The following SNX3 variants were observed in gnomAD, a reference collection of about 807,000 sequenced individuals.
The protein encoded by SNX3 is sorting nexin 3, also known as sorting nexin-3.
In SNX3, 5 loss-of-function variants were observed where a neutral mutation model predicts 17.7. The observed-to-expected ratio is 0.28, with a 90% CI of 0.15 to 0.59. SNX3 has a LOEUF of 0.59. Ranked by LOEUF, SNX3 falls within the 20% of genes least tolerant of loss-of-function variation. The pLI, the probability that SNX3 is intolerant of heterozygous loss-of-function variation, is 0.88. For missense variants in SNX3, 132 were observed against 206.8 expected (o/e 0.64, Z 2.22); for synonymous variants, 91 against 76.5 (o/e 1.19, Z -0.99).
chr6:108,239,626 C>T (rs1368495311), intron 1 of SNX3, among the ~76,000 whole-genome samples: 1 of 152,102 alleles, frequency 6.6e-6, no homozygotes, highest in African/African-American at 2.4e-5. Context: ...TATTTTATGG[C>T]CGAAGACATT....
At chr6:108,242,912 G>C (rs1443594950) in intron 1 of SNX3, among the ~76,000 whole-genome samples, 1 of 152,116 alleles carries the variant, frequency 6.6e-6, no homozygotes. Flanking sequence ...TGTAAGCCTG[G>C]AAGAGAACTC....
chr6:108,220,996 G>A (rs1774753208), intron 2 of SNX3, among the ~76,000 whole-genome samples: 1 of 151,720 alleles, frequency 6.6e-6, no homozygotes, highest in African/African-American at 2.4e-5. Flanking sequence ...TTTGATGTCT[G>A]GTAGAACAAA....
chr6:108,212,633 C>A (rs1486882623), intron 3 of SNX3, among the ~76,000 whole-genome samples: 1 of 152,018 alleles, frequency 6.6e-6, no homozygotes, highest in Non-Finnish European at 1.5e-5. Flanking sequence ...CCACTGCGCC[C>A]GGCTCAGAAT....
intron 1 of SNX3, among the ~76,000 whole-genome samples, chr6:108,230,808 T>G (rs1394336767): frequency 6.6e-6 from 1 of 152,174 alleles, no homozygotes; most frequent in African/African-American, 2.4e-5. Context: ...AGCAGAGAAC[T>G]GTAATTACCT....
intron 1 of SNX3, among the ~76,000 whole-genome samples, chr6:108,254,833 C>A (rs1775983822): frequency 6.6e-6 from 1 of 152,136 alleles, no homozygotes; most frequent in South Asian, 2.1e-4. Context: ...CCAGATGAGG[C>A]TCTTAAAGGA....
At chr6:108,222,473 G>A (rs557466489) in intron 2 of SNX3, among the ~76,000 whole-genome samples, 4 of 152,304 alleles carry the variant, frequency 2.6e-5, no homozygotes, top group South Asian at 2.1e-4. Context: ...ATTTAAAAAC[G>A]CTAATCTGAA....
Position 108,260,969 on chromosome 6 carries a change from C to T in SNX3, c.-48G>A. 1 of 1,449,288 alleles carries T rather than the reference C, an allele frequency of 6.9e-7. No homozygotes were observed. The highest frequency in any genetic ancestry group is 1.4e-5 in the South Asian group (1 of 70,144). 89.8% of individuals were successfully genotyped at this position (1,449,288 alleles called of 1,614,324 possible). On this transcript the variant is annotated 5_prime_UTR_variant, in exon 1 of 4. Coordinates refer to ENST00000230085, the MANE Select transcript of SNX3 (RefSeq NM_003795.6). ...CCGCGGGCTCCCTCCGCCCCCTCCG[C>T]GTTCAGCCGCCGCCGCCGCCGCTGC...
At chr6:108,216,000 A>G (rs1774562330) in intron 2 of SNX3, among the ~76,000 whole-genome samples, 1 of 152,140 alleles carries the variant, frequency 6.6e-6, no homozygotes, top group South Asian at 2.1e-4. Context: ...GCACCTAGCT[A>G]TTTCACAGGT....
chr6:108,217,544 C>T (rs899200125), intron 2 of SNX3, among the ~76,000 whole-genome samples: 3 of 152,030 alleles, frequency 2.0e-5, no homozygotes, highest in Non-Finnish European at 2.9e-5. Flanking sequence ...CACCTGAGGT[C>T]AGAAGTTCAA....
At position 108,227,932 on chromosome 6, in the gene SNX3, T is replaced by A. The variant is rs1180680079; in HGVS notation, c.163-4887A>T. Among the ~76,000 whole-genome samples, 6 of 150,934 alleles carry A rather than the reference T, an allele frequency of 4.0e-5. No individual in the cohort carries two copies. The Admixed American group carries it at 4.0e-4, about 10-fold the overall frequency. On this transcript the variant is annotated intron_variant, in intron 1 of 3. Coordinates refer to ENST00000230085, the MANE Select transcript of SNX3 (RefSeq NM_003795.6). ...ATAAAATGATTGAAGGGCGGAGAGGTTTTTTACCTACAGCTTCAGGAGGAC... is the reference window on the plus strand; with the variant it reads ...ATAAAATGATTGAAGGGCGGAGAGGATTTTTACCTACAGCTTCAGGAGGAC...
At chr6:108,228,017 T>C (rs928216528) in intron 1 of SNX3, among the ~76,000 whole-genome samples, 2 of 152,150 alleles carry the variant, frequency 1.3e-5, no homozygotes, top group African/African-American at 4.8e-5. Context: ...GGAGAATCAT[T>C]ATTTATAATG....
intron 1 of SNX3, among the ~76,000 whole-genome samples, chr6:108,233,738 A>G (rs764639428): frequency 3.9e-5 from 6 of 152,198 alleles, no homozygotes; most frequent in African/African-American, 7.2e-5. Context: ...GAAAGAGCGA[A>G]TAACTGCTGC....
Position 108,243,365 on chromosome 6 carries a change from A to T in SNX3, c.162+17395T>A, listed in dbSNP as rs551900692. On this transcript the variant is annotated intron_variant, in intron 1 of 3. Transcript: ENST00000230085. ...GACTATCCTTCAAAAATAAAAATAT[A>T]AGACAGTCCCAGACAAAAAAACAAA... is the stretch of plus-strand genomic sequence containing the variant. Among the ~76,000 whole-genome samples, 116 of 152,344 alleles carry T rather than the reference A, an allele frequency of 7.6e-4. 1 individual carries two copies. The highest frequency in any genetic ancestry group is 6.8e-3 in the Middle Eastern group (2 of 294).
rs758212848 is a variant in SNX3 at position 108,260,855 on chromosome 6, C to G, written c.67G>C (p.Gly23Arg). The change falls in exon 1 of 4, where the codon GGA becomes CGA. Residue 23 changes from glycine (G) to arginine (R), a missense_variant. By Grantham distance (125) the Gly-to-Arg change is moderately radical (BLOSUM62 -2). This residue lies in a region of SNX3 where 78 missense variants were observed against 88.8 expected (regional missense o/e 0.88). Coordinates refer to ENST00000230085, the MANE Select transcript of SNX3 (RefSeq NM_003795.6). ...ATCTCGAGGAAGTTGCTGGGGGGTC[C>G]GTAGGCGTCATTCAGGTTCTGCGGC... ...TKPQNLNDAY[G>R]PPSNFLEIDV... 1 of 1,613,084 alleles carries G rather than the reference C, an allele frequency of 6.2e-7. No individual in the cohort carries two copies. Among genetic ancestry groups the G allele is most frequent in the Non-Finnish European group, 8.5e-7 (1 of 1,179,476 alleles).
In SNX3 at chr6:108,211,994, G is replaced by C. The variant is rs1175127242; in HGVS notation, c.*155C>G. 3.7e-6 allele frequency: 2 copies of C among 542,044 alleles called. No homozygotes were observed. The highest frequency in any genetic ancestry group is 3.8e-5 in the Admixed American group (1 of 26,664). 33.6% of individuals were successfully genotyped at this position (542,044 alleles called of 1,614,324 possible). A position where few individuals can be genotyped will look rare whatever the true frequency, so the allele number is the denominator to read the frequency against. On this transcript the variant is annotated 3_prime_UTR_variant, in exon 4 of 4. Coordinates refer to ENST00000230085, the MANE Select transcript of SNX3 (RefSeq NM_003795.6). ...TTTTACTAAAGCAAATTAACTTCTT[G>C]TCAACTGCCAAAACAAAACAAAACT...
At chr6:108,237,369 T>C (rs530254215) in intron 1 of SNX3, among the ~76,000 whole-genome samples, 25 of 152,350 alleles carry the variant, frequency 1.6e-4, no homozygotes, top group Middle Eastern at 3.4e-3. Flanking sequence ...CCTCAAATCT[T>C]ACTTGGAAGC....
Position 108,223,016 on chromosome 6 carries a change from T to G in SNX3, c.192A>C (p.Glu64Asp). The change falls in exon 2 of 4, where the codon GAA (glutamate) becomes GAC (aspartate). Residue 64 changes from glutamate (E) to aspartate (D), a missense_variant. Physicochemically the swap from Glu to Asp is conservative, Grantham distance 45. Transcript: ENST00000230085. Reference sequence around the variant, plus strand: ...CACTGTATCTTCTTCTAACAGTAGATTCTTTCAGCTTGAAAATAGGAAGAT... The same window carrying G: ...CACTGTATCTTCTTCTAACAGTAGAGTCTTTCAGCTTGAAAATAGGAAGAT... ...KTNLPIFKLK[E>D]STVRRRYSDF... The G allele has an allele frequency of 6.2e-7, 1 of 1,606,732 alleles. No homozygotes were observed. Among genetic ancestry groups the G allele is most frequent in the Non-Finnish European group, 8.5e-7 (1 of 1,175,448 alleles).
At chr6:108,214,414 G>C (rs1011899881) in intron 3 of SNX3, 84 bp downstream of exon 3, 2 of 1,334,228 alleles carry the variant, frequency 1.5e-6, no homozygotes, top group African/African-American at 3.0e-5. Context: ...GAAAGAAAAG[G>C]CAACAGTGCA....
chr6:108,223,091 CT>C (rs1422989374), intron 1 of SNX3, 46 bp from the exon 2 acceptor site: 4 of 1,054,562 alleles, frequency 3.8e-6, no homozygotes, highest in Non-Finnish European at 1.4e-6. Context: ...ATTAAGGAAA[CT>C]TCAAAAAAAT....
Sources: allele counts gnomAD v4.1 joint callset (sites outside exome capture counted in the v4.1 genomes callset), GRCh38; gene constraint gnomAD v4.1.1; regional missense constraint gnomAD v4.1.1; transcripts MANE v1.5; gene names NCBI Gene and HGNC (gene_info 2026-07-23, HGNC 2026-07-21).